Variants in TCERG1L observed in about 807,000 individuals in gnomAD.
TCERG1L encodes transcription elongation regulator 1-like protein.
Under a neutral mutation model 56.3 loss-of-function variants are expected in TCERG1L, and 37 were observed. That is an observed-to-expected ratio of 0.66 (90% CI 0.51 to 0.87). The LOEUF (loss-of-function observed/expected upper bound fraction) is 0.87. TCERG1L is among the 40% of genes least tolerant of loss of function. The pLI, the probability that TCERG1L is intolerant of heterozygous loss-of-function variation, is 0.00. For synonymous variants in TCERG1L, 324 were observed against 326.3 expected (o/e 0.99, Z 0.08); for missense variants, 799 against 774.2 (o/e 1.03, Z -0.38).
intron 5 of TCERG1L, 135 bp from the exon 6 acceptor site, chr10:131,163,345 A>ACTGCTCGT: frequency 1.5e-6 from 1 of 664,102 alleles, no homozygotes; most frequent in South Asian, 2.2e-5. Context: ...TGACCTCAGC[A>ACTGCTCGT]CGGCAGCGCC....
intron 3 of TCERG1L, among the ~76,000 whole-genome samples, chr10:131,282,904 C>T (rs1025707089): frequency 7.2e-5 from 11 of 152,308 alleles, no homozygotes; most frequent in African/African-American, 2.6e-4. Flanking sequence ...CATTACTTCT[C>T]ATAAGTTCAT....
At chr10:131,144,672 T>C (rs1845775758) in intron 7 of TCERG1L, among the ~76,000 whole-genome samples, 1 of 152,214 alleles carries the variant, frequency 6.6e-6, no homozygotes, top group Non-Finnish European at 1.5e-5. Context: ...TAACCACATG[T>C]AATTTTGTAA....
intron 4 of TCERG1L, among the ~76,000 whole-genome samples, chr10:131,248,138 GACAC>G: frequency 6.7e-6 from 1 of 149,648 alleles, no homozygotes; most frequent in South Asian, 2.1e-4. Context: ...ACACACACAC[GACAC>G]ACACATACGC....
At chr10:131,252,167 C>T (rs997237485) in intron 4 of TCERG1L, among the ~76,000 whole-genome samples, 10 of 152,166 alleles carry the variant, frequency 6.6e-5, no homozygotes, top group Non-Finnish European at 8.8e-5. Flanking sequence ...CATCAATGGA[C>T]GCTCGGATCA....
In TCERG1L at chr10:131,118,120, G is replaced by A. The variant is rs140403338; in HGVS notation, c.1260-1186C>T. Among the ~76,000 whole-genome samples, 29 of 152,270 alleles carry A rather than the reference G, an allele frequency of 1.9e-4. No individual in the cohort carries two copies. The highest frequency in any genetic ancestry group is 1.7e-3 in the Admixed American group (26 of 15,286). On this transcript the variant is annotated intron_variant, in intron 8 of 11. Coordinates refer to ENST00000368642, the MANE Select transcript of TCERG1L (RefSeq NM_174937.4). The surrounding 1 kb of genome is among the most constrained non-coding windows in gnomAD (Gnocchi z 4.2). ...TGGCCCTGCTCCCACACCTGCCCACGGCATCAGACCACCCATTTGAGAGCT... is the reference window on the plus strand; with the variant it reads ...TGGCCCTGCTCCCACACCTGCCCACAGCATCAGACCACCCATTTGAGAGCT...
chr10:131,137,953 C>G (rs556611513), intron 7 of TCERG1L, among the ~76,000 whole-genome samples: 3 of 152,232 alleles, frequency 2.0e-5, no homozygotes, highest in East Asian at 1.9e-4. Context: ...CAGACACTTA[C>G]AACAGCTAGG....
intron 8 of TCERG1L, among the ~76,000 whole-genome samples, chr10:131,129,692 T>C (rs1307226731): frequency 6.6e-6 from 1 of 152,222 alleles, no homozygotes; most frequent in African/African-American, 2.4e-5. Context: ...TGGAAATCAC[T>C]CGTCTCCTGG....
intron 3 of TCERG1L, among the ~76,000 whole-genome samples, chr10:131,299,926 T>A (rs1846742733): frequency 6.6e-6 from 1 of 152,136 alleles, no homozygotes; most frequent in South Asian, 2.1e-4. Flanking sequence ...AGTTATCTTT[T>A]AAAACAATTA....
intron 8 of TCERG1L, 38 bp downstream of exon 8, chr10:131,134,341 T>C (rs776163968): frequency 1.9e-6 from 3 of 1,543,578 alleles, no homozygotes; most frequent in South Asian, 1.2e-5. Context: ...GAGTACACAG[T>C]AGGGAAAGAT....
At chr10:131,186,406 A>T (rs11017811) in intron 4 of TCERG1L, among the ~76,000 whole-genome samples, 1 of 152,186 alleles carries the variant, frequency 6.6e-6, no homozygotes, top group Non-Finnish European at 1.5e-5. Context: ...AAAAATAGAC[A>T]TACAGATTAT....
chr10:131,303,091 T>G (rs950031395), intron 3 of TCERG1L, among the ~76,000 whole-genome samples: 3 of 152,004 alleles, frequency 2.0e-5, no homozygotes, highest in African/African-American at 7.3e-5. Context: ...TAAACATACG[T>G]GTGCATGTGT....
intron 9 of TCERG1L, among the ~76,000 whole-genome samples, chr10:131,107,913 G>A (rs77373263): frequency 0.032 from 4,750 of 149,972 alleles, 94 homozygotes; most frequent in Non-Finnish European, 0.044. Flanking sequence ...GCACACATAC[G>A]CACAAAGATG....
At chr10:131,148,417 TGCACAC>T (rs1845823098) in intron 6 of TCERG1L, among the ~76,000 whole-genome samples, 1 of 142,508 alleles carries the variant, frequency 7.0e-6, no homozygotes, top group African/African-American at 2.6e-5. Flanking sequence ...GAGACACACA[TGCACAC>T]AGAGACACAC....
At chr10:131,100,717 C>T (rs1461543826) in intron 10 of TCERG1L, among the ~76,000 whole-genome samples, 1 of 152,244 alleles carries the variant, frequency 6.6e-6, no homozygotes, top group Non-Finnish European at 1.5e-5. Flanking sequence ...GATTTTCACA[C>T]CAGGGGCCTT....
intron 6 of TCERG1L, chr10:131,155,985 G>A (rs1845916362): frequency 6.6e-6 from 1 of 152,184 alleles, no homozygotes; most frequent in South Asian, 2.1e-4. Context: ...CAAAAGGGCC[G>A]AAGTGACATT....
intron 3 of TCERG1L, among the ~76,000 whole-genome samples, chr10:131,296,486 C>T (rs1313654935): frequency 6.6e-6 from 1 of 152,148 alleles, no homozygotes; most frequent in Non-Finnish European, 1.5e-5. Flanking sequence ...GGTCTTTATT[C>T]TTATGCTTTT....
intron 4 of TCERG1L, among the ~76,000 whole-genome samples, chr10:131,223,691 TACAG>T (rs3040395): frequency 0.3 from 45,618 of 150,872 alleles, 7,015 homozygotes; most frequent in Non-Finnish European, 0.32. Context: ...CCCTCACGCA[TACAG>T]ACACACACAC....
At chr10:131,147,290 G>A (rs1332530804) in intron 6 of TCERG1L, among the ~76,000 whole-genome samples, 1 of 151,930 alleles carries the variant, frequency 6.6e-6, no homozygotes, top group Non-Finnish European at 1.5e-5. Flanking sequence ...CCTTATCTGT[G>A]AAAAGTTATC....
chr10:131,178,295 C>A (rs918630477), intron 4 of TCERG1L, among the ~76,000 whole-genome samples: 1 of 152,196 alleles, frequency 6.6e-6, no homozygotes, highest in Admixed American at 6.5e-5. Context: ...AACAAGGAAG[C>A]CGACTAGCGC....
Sources: allele counts gnomAD v4.1 joint callset (sites outside exome capture counted in the v4.1 genomes callset), GRCh38; gene constraint gnomAD v4.1.1; non-coding constraint Gnocchi (gnomAD v3.1); transcripts MANE v1.5; gene names NCBI Gene and HGNC (gene_info 2026-07-23, HGNC 2026-07-21).